ATR: variants seen among roughly 807,000 people sequenced by gnomAD.
ATR encodes ATR checkpoint kinase.
ATR carries 142 observed loss-of-function variants against 305.3 expected under a neutral mutation model. The observed-to-expected ratio is 0.47, with a 90% CI of 0.41 to 0.53. The LOEUF (loss-of-function observed/expected upper bound fraction) is 0.53, where lower values mean the gene tolerates loss of function less well. ATR is among the 20% of genes least tolerant of loss of function. The pLI, the probability that ATR is intolerant of heterozygous loss-of-function variation, is 0.00. For synonymous variants in ATR, 1,050 were observed against 1,068.1 expected, an observed-to-expected ratio of 0.98 and a Z score of 0.33; for missense variants, 2,135 against 3,133.1, an observed-to-expected ratio of 0.68 and a Z score of 7.60.
chr3:142,538,652 A>G (rs2033945189), intron 18 of ATR, 27 bp from the exon 19 acceptor site: 9 of 1,612,618 alleles, frequency 5.6e-6, no homozygotes, highest in Non-Finnish European at 7.6e-6. Context: ...ATAGAAATGA[A>G]GTCCAATTAC....
chr3:142,547,102 G>A (rs1405166333), intron 16 of ATR, among the ~76,000 whole-genome samples: 1 of 152,146 alleles, frequency 6.6e-6, no homozygotes, highest in African/African-American at 2.4e-5. Flanking sequence ...AATAAGGGCA[G>A]TTGAAAGAAA....
In ATR at chr3:142,503,389, G is replaced by T. The variant is rs772903137; in HGVS notation, c.5261C>A (p.Thr1754Asn). ...GTTAGCATGCACTCCATTCACCTGAGTGATAACAGTAGACAGCTGACCAAG... is the reference window on the plus strand; with the variant it reads ...GTTAGCATGCACTCCATTCACCTGATTGATAACAGTAGACAGCTGACCAAG... ...LGLGQLSTVITQVNGVHANRS... is the reference protein window; with the variant it reads ...LGLGQLSTVINQVNGVHANRS... The change falls in exon 30 of 47, where the codon ACT becomes AAT. Residue 1754 changes from threonine (T) to asparagine (N), a missense_variant. By Grantham distance (65) the Thr-to-Asn change is moderately conservative. Around this residue, in one of 9 missense-constraint regions of ATR, gnomAD observed 117 missense variants for 198.3 expected, o/e 0.59. Transcript: ENST00000350721. 5.0e-6 allele frequency: 8 copies of T among 1,607,912 alleles called. No homozygotes were observed. Among genetic ancestry groups the T allele is most frequent in the African/African-American group, 1.3e-5 (1 of 74,812 alleles).
chr3:142,494,906 T>C (rs969152383), intron 34 of ATR, among the ~76,000 whole-genome samples: 2 of 152,224 alleles, frequency 1.3e-5, no homozygotes, highest in South Asian at 2.1e-4. Context: ...AAAATGGTTG[T>C]TAATATTGTT....
Position 142,508,153 on chromosome 3 carries a change from A to C in ATR, c.4853-44T>G, listed in dbSNP as rs189661893. 3.9e-6 allele frequency: 6 copies of C among 1,524,196 alleles called. No homozygotes were observed. The African/African-American group carries it at 8.4e-5, about 21-fold the overall frequency. The allele number at this position is 1,524,196 out of a possible 1,614,324, so 94.4% of individuals were successfully genotyped here. A position where few individuals can be genotyped will look rare whatever the true frequency, so the allele number is the denominator to read the frequency against. On this transcript the variant is annotated intron_variant, in intron 27 of 46. Coordinates refer to ENST00000350721, the MANE Select transcript of ATR (RefSeq NM_001184.4). ...TGAGTAATTAAAGACTTATAAGATA[A>C]AATTTAAAAGTGTCAATTTAAGTAT... is the stretch of plus-strand genomic sequence containing the variant.
At position 142,573,226 on chromosome 3, in the gene ATR, A is replaced by G. The variant is rs558875557; in HGVS notation, c.60-5072T>C. ...TTTGGGAGGCTGAGACGGACTGATCACTTCAGGTCAGGAGTTCCAGATCAG... is the reference window on the plus strand; with the variant it reads ...TTTGGGAGGCTGAGACGGACTGATCGCTTCAGGTCAGGAGTTCCAGATCAG... On this transcript the variant is annotated intron_variant, in intron 1 of 46. Coordinates refer to ENST00000350721, the MANE Select transcript of ATR (RefSeq NM_001184.4). 1.6e-4 allele frequency among the ~76,000 whole-genome samples: 25 copies of G among 151,826 alleles called. No homozygotes were observed. The East Asian group carries it at 4.3e-3, about 26-fold the overall frequency.
rs2108462667 is a variant in ATR, at chr3:142,553,365, G to A, written c.2667C>T (p.Leu889=). 6.2e-7 allele frequency: 1 copy of A among 1,613,942 alleles called. No individual in the cohort carries two copies. Among genetic ancestry groups the A allele is most frequent in the African/African-American group, 1.3e-5 (1 of 74,958 alleles). ...AAKGDLVPFA[L]LHLLHCLLSK... The stretch of plus-strand genomic sequence containing the variant: ...ATAACAAACAATGCAATAAGTGTAA[G>A]AGTGCAAATGGTACCAAATCTCCTT... The change falls in exon 13 of 47, where the codon CTC becomes CTT. Residue 889 remains leucine (L), a synonymous_variant. Transcript: ENST00000350721.
intron 27 of ATR, among the ~76,000 whole-genome samples, chr3:142,509,643 A>G (rs973296259): frequency 1.4e-5 from 2 of 141,338 alleles, no homozygotes; most frequent in Non-Finnish European, 3.0e-5. Flanking sequence ...CGTAGCCTCA[A>G]TCTCACAGGC....
At position 142,449,336 on chromosome 3, in the gene ATR, T is replaced by G. The variant is rs2070722831; in HGVS notation, c.*93A>C. On this transcript the variant is annotated 3_prime_UTR_variant, in exon 47 of 47. Transcript: ENST00000350721. ...AACAGTTGCTGAGAACGTAAATTTA[T>G]GTTGTACTTTAGAATTGAACAGATA... 2.5e-6 allele frequency: 3 copies of G among 1,197,456 alleles called. No homozygotes were observed. The highest frequency in any genetic ancestry group is 3.7e-5 in the Admixed American group (2 of 53,406). 74.2% of individuals were successfully genotyped at this position (1,197,456 alleles called of 1,614,324 possible).
At chr3:142,513,209 C>G (rs2032666525) in intron 26 of ATR, among the ~76,000 whole-genome samples, 1 of 152,038 alleles carries the variant, frequency 6.6e-6, no homozygotes, top group Admixed American at 6.5e-5. Context: ...ATAAATTTTG[C>G]ATTTACATTT....
chr3:142,472,635 C>CTATTTT (rs921291397), intron 36 of ATR, among the ~76,000 whole-genome samples: 2 of 151,388 alleles, frequency 1.3e-5, no homozygotes, highest in East Asian at 1.9e-4. Context: ...TTCCTTTTTT[C>CTATTTT]TATTTTTATT....
At chr3:142,563,319 G>C (rs2034951901) in intron 3 of ATR, among the ~76,000 whole-genome samples, 1 of 152,218 alleles carries the variant, frequency 6.6e-6, no homozygotes, top group Non-Finnish European at 1.5e-5. Context: ...ACAAATTGAA[G>C]GTTGTGGTAA....
In ATR at chr3:142,452,930, G is replaced by C. The variant is rs182442673; in HGVS notation, c.7761+198C>G. 19 of 1,428,014 alleles carry C rather than the reference G, an allele frequency of 1.3e-5. No individual in the cohort carries two copies. The South Asian group carries it at 2.8e-4, about 21-fold the overall frequency. The allele number at this position is 1,428,014 out of a possible 1,614,324, so 88.5% of individuals were successfully genotyped here. ...CCATGAACTTTTATTATACAAATGC[G>C]AATACTGTTAACATTACTGACAATA... On this transcript the variant is annotated intron_variant, in intron 46 of 46. Coordinates refer to ENST00000350721, the MANE Select transcript of ATR (RefSeq NM_001184.4).
In ATR at chr3:142,507,946, A is replaced by T; in HGVS notation, c.5016T>A (p.His1672Gln). The T allele has an allele frequency of 3.1e-6, 5 of 1,609,448 alleles. No homozygotes were observed. Among genetic ancestry groups the T allele is most frequent in the Non-Finnish European group, 4.3e-6 (5 of 1,175,814 alleles). Residue 1672 changes from histidine to glutamine, a missense_variant, in exon 28 of 47, where the codon CAT (histidine) becomes CAA (glutamine). This residue lies in a region of ATR where 45 missense variants were observed against 80.4 expected (regional missense o/e 0.56). Transcript: ENST00000350721. ...ITEKKQNIQEHLGFLQKLYAA... is the reference protein window; with the variant it reads ...ITEKKQNIQEQLGFLQKLYAA... ...AACTTCAGACCTGTAAAAATCCAAG[A>T]TGTTCCTGAATATTTTGCTTCTTTT... is the stretch of plus-strand genomic sequence containing the variant.
At chr3:142,520,323 T>C (rs2033093971) in intron 23 of ATR, among the ~76,000 whole-genome samples, 1 of 152,016 alleles carries the variant, frequency 6.6e-6, no homozygotes, top group Non-Finnish European at 1.5e-5. Context: ...AGTATACATA[T>C]GAAAGGAGGA....
At chr3:142,504,100 A>C (rs1309477367) in intron 29 of ATR, among the ~76,000 whole-genome samples, 1 of 152,238 alleles carries the variant, frequency 6.6e-6, no homozygotes, top group East Asian at 1.9e-4. Context: ...AAATATGACA[A>C]AAAGCAATAT....
At chr3:142,575,465 T>C (rs1415147889) in intron 1 of ATR, among the ~76,000 whole-genome samples, 1 of 92,612 alleles carries the variant, frequency 1.1e-5, no homozygotes, top group African/African-American at 5.6e-5. Context: ...CGAGACTCCG[T>C]CTCAAAAAAA....
Position 142,453,188 on chromosome 3 carries a change from T to G in ATR, c.7701A>C (p.Lys2567Asn). ...GCGCTTTGGAATGCCCTTTCACTGG[T>G]TTACTCCATTCCACAAGAGGATCAT... ...FLHDPLVEWS[K>N]PVKGHSKAPL... is the part of the protein sequence containing the mutation. The change falls in exon 46 of 47, where the codon AAA becomes AAC. Residue 2567 changes from lysine to asparagine, a missense_variant. Transcript: ENST00000350721. The G allele has an allele frequency of 6.2e-7, 1 of 1,613,764 alleles. No homozygotes were observed. Among genetic ancestry groups the G allele is most frequent in the Non-Finnish European group, 8.5e-7 (1 of 1,179,676 alleles).
chr3:142,561,446 A>G (rs2108485520), intron 4 of ATR, 25 bp from the exon 5 acceptor site: 1 of 1,585,706 alleles, frequency 6.3e-7, no homozygotes, highest in Non-Finnish European at 8.6e-7. Context: ...AATAATTTCC[A>G]GAAATATTCC....
intron 14 of ATR, 116 bp downstream of exon 14, chr3:142,550,015 CA>C: frequency 7.6e-7 from 1 of 1,322,714 alleles, no homozygotes; most frequent in Non-Finnish European, 1.1e-6. Context: ...GACTCAAATC[CA>C]CTTAAACTTA....
Sources: allele counts gnomAD v4.1 joint callset (sites outside exome capture counted in the v4.1 genomes callset), GRCh38; gene constraint gnomAD v4.1.1; regional missense constraint gnomAD v4.1.1; transcripts MANE v1.5; gene names NCBI Gene and HGNC (gene_info 2026-07-23, HGNC 2026-07-21).